The following KLHL29 variants were observed in gnomAD, a reference collection of about 807,000 sequenced individuals.
KLHL29 encodes kelch like family member 29.
A neutral mutation model predicts 80.4 loss-of-function variants in KLHL29; 21 were observed. The ratio of observed to expected loss-of-function variants is 0.26; its 90% CI spans 0.19 to 0.38. The LOEUF (loss-of-function observed/expected upper bound fraction) is 0.38, where lower values mean the gene tolerates loss of function less well. Ranked by LOEUF, KLHL29 falls within the 10% of genes least tolerant of loss-of-function variation. KLHL29 has a pLI of 1.00. For missense variants in KLHL29, 867 were observed against 1,223.9 expected (o/e 0.71, Z 4.35); for synonymous variants, 511 against 526.8 (o/e 0.97, Z 0.41).
chr2:23,527,972 G>A (rs1260084753), intron 2 of KLHL29, among the ~76,000 whole-genome samples: 1 of 152,172 alleles, frequency 6.6e-6, no homozygotes, highest in Admixed American at 6.5e-5. Context: ...ACCCCTCTGG[G>A]ACCTGCCTCT....
At chr2:23,597,345 GTA>G (rs1558402724) in intron 3 of KLHL29, among the ~76,000 whole-genome samples, 30 of 125,070 alleles carry the variant, frequency 2.4e-4, no homozygotes, top group African/African-American at 4.8e-4. Flanking sequence ...GTGTGTGTGT[GTA>G]TGTATATGTG....
intron 3 of KLHL29, among the ~76,000 whole-genome samples, chr2:23,636,904 T>G (rs1415424894): frequency 6.6e-6 from 1 of 152,074 alleles, no homozygotes; most frequent in African/African-American, 2.4e-5. Flanking sequence ...CAGGGGCTGC[T>G]CCAGGGCAAG....
chr2:23,446,998 A>G (rs758765185), intron 1 of KLHL29, among the ~76,000 whole-genome samples: 6 of 152,354 alleles, frequency 3.9e-5, no homozygotes, highest in African/African-American at 7.2e-5. Flanking sequence ...TTCCAGGTCA[A>G]GCAGCTTTCA....
chr2:23,562,462 C>G lies in KLHL29; in HGVS notation c.266C>G (p.Ala89Gly), dbSNP rs575072973. The part of the protein sequence containing the change: ...EAITSLVASS[A>G]SAVTTKAPGI... ...ATCACCAGCCTCGTGGCCAGCTCTG[C>G]GTCTGCGGTCACCACCAAGGTAAGA... The change falls in exon 3 of 14, where the codon GCG (alanine) becomes GGG (glycine). Residue 89 changes from alanine to glycine, a missense_variant. This residue lies in a region of KLHL29 where 424 missense variants were observed against 456.9 expected (regional missense o/e 0.93). Transcript: ENST00000486442. The surrounding 1 kb of genome is among the most constrained non-coding windows in gnomAD (Gnocchi z 4.5). 1 of 1,536,146 alleles carries G rather than the reference C, an allele frequency of 6.5e-7. No individual in the cohort carries two copies.
intron 2 of KLHL29, among the ~76,000 whole-genome samples, chr2:23,479,312 G>A (rs1310449386): frequency 6.6e-6 from 1 of 151,784 alleles, no homozygotes; most frequent in Non-Finnish European, 1.5e-5. Context: ...GGCATCATTT[G>A]GGATTCTGGT....
intron 3 of KLHL29, among the ~76,000 whole-genome samples, chr2:23,601,938 T>G (rs1189144420): frequency 6.6e-6 from 1 of 152,178 alleles, no homozygotes; most frequent in Non-Finnish European, 1.5e-5. Context: ...TGCTTTGATA[T>G]CAGGCTGTGA....
intron 1 of KLHL29, among the ~76,000 whole-genome samples, chr2:23,392,712 AGTCT>A (rs1231005160): frequency 6.6e-6 from 1 of 152,198 alleles, no homozygotes; most frequent in Non-Finnish European, 1.5e-5. Context: ...CTCAGCTACC[AGTCT>A]GTCTGTGTTT....
At chr2:23,613,777 A>AAAAAAAC (rs1474852495) in intron 3 of KLHL29, among the ~76,000 whole-genome samples, 3 of 149,744 alleles carry the variant, frequency 2.0e-5, no homozygotes, top group Non-Finnish European at 4.4e-5. Flanking sequence ...AAAAAAAAAA[A>AAAAAAAC]AAAAAAAAAA....
chr2:23,578,048 C>G (rs1295335353), intron 3 of KLHL29, among the ~76,000 whole-genome samples: 2 of 152,270 alleles, frequency 1.3e-5, no homozygotes, highest in East Asian at 1.9e-4. Context: ...GCGATTCCTC[C>G]CTATCATTGG....
At chr2:23,403,887 G>A (rs1031957786) in intron 1 of KLHL29, among the ~76,000 whole-genome samples, 1 of 152,102 alleles carries the variant, frequency 6.6e-6, no homozygotes, top group Non-Finnish European at 1.5e-5. Flanking sequence ...GGCCTGGCCA[G>A]AAGAGGTGGG....
chr2:23,482,819 A>G (rs1664833525), intron 2 of KLHL29, among the ~76,000 whole-genome samples: 1 of 149,790 alleles, frequency 6.7e-6, no homozygotes, highest in Non-Finnish European at 1.5e-5. Flanking sequence ...GAGTGTTGCA[A>G]CGCTCACTCA....
At chr2:23,444,516 G>C (rs2103417306) in intron 1 of KLHL29, among the ~76,000 whole-genome samples, 1 of 152,088 alleles carries the variant, frequency 6.6e-6, no homozygotes, top group South Asian at 2.1e-4. Context: ...AGTAGAGATG[G>C]GGTTTCACGA....
At chr2:23,397,023 A>G (rs1321069411) in intron 1 of KLHL29, among the ~76,000 whole-genome samples, 1 of 152,052 alleles carries the variant, frequency 6.6e-6, no homozygotes, top group Non-Finnish European at 1.5e-5. Flanking sequence ...GTGTCTGACA[A>G]GGTCTGCTCT....
At chr2:23,692,640 C>T (rs190755057) in intron 7 of KLHL29, among the ~76,000 whole-genome samples, 1 of 152,292 alleles carries the variant, frequency 6.6e-6, no homozygotes, top group Admixed American at 6.5e-5. Context: ...CCAGACACGC[C>T]TAGGTTGGAA....
intron 3 of KLHL29, among the ~76,000 whole-genome samples, chr2:23,609,614 A>AG (rs2103529030): frequency 1.3e-5 from 2 of 152,124 alleles, no homozygotes; most frequent in South Asian, 4.2e-4. Context: ...CGTGGCCTAG[A>AG]GATGGGTAAT....
At chr2:23,407,833 G>A (rs553931088) in intron 1 of KLHL29, among the ~76,000 whole-genome samples, 9 of 152,130 alleles carry the variant, frequency 5.9e-5, no homozygotes, top group Middle Eastern at 3.4e-3. Context: ...TTCCATTTGC[G>A]TTTAGTGAAT....
At chr2:23,392,346 T>C (rs1172379472) in intron 1 of KLHL29, among the ~76,000 whole-genome samples, 2 of 152,210 alleles carry the variant, frequency 1.3e-5, no homozygotes, top group African/African-American at 4.8e-5. Flanking sequence ...CATAAGACAT[T>C]TGCATCACAA....
At chr2:23,442,253 G>A (rs1663549113) in intron 1 of KLHL29, among the ~76,000 whole-genome samples, 1 of 152,076 alleles carries the variant, frequency 6.6e-6, no homozygotes, top group Non-Finnish European at 1.5e-5. Context: ...ACCATGCCCA[G>A]CTAATTTTTT....
chr2:23,671,048 T>C lies in KLHL29; in HGVS notation c.941-13351T>C, dbSNP rs890401305. 1.1e-3 allele frequency among the ~76,000 whole-genome samples: 58 copies of C among 52,024 alleles called. 3 individuals are homozygous for C. The highest frequency in any genetic ancestry group is 2.2e-3 in the African/African-American group (58 of 26,570). The allele number at this position is 52,024 out of a possible 152,430, so 34.1% of individuals were successfully genotyped here. ...CCTCCTAACCTCACATCCTCCCAGC[T>C]GTGACTCCTCCCTGGATGGGATTCG... On this transcript the variant is annotated intron_variant, in intron 5 of 13. Coordinates refer to ENST00000486442, the MANE Select transcript of KLHL29 (RefSeq NM_052920.2).
Sources: allele counts gnomAD v4.1 joint callset (sites outside exome capture counted in the v4.1 genomes callset), GRCh38; gene constraint gnomAD v4.1.1; regional missense constraint gnomAD v4.1.1; non-coding constraint Gnocchi (gnomAD v3.1); transcripts MANE v1.5; gene names NCBI Gene and HGNC (gene_info 2026-07-23, HGNC 2026-07-21).